The following IGF1R variants were observed in gnomAD, a reference collection of about 807,000 sequenced individuals.
IGF1R encodes the protein insulin like growth factor 1 receptor, also known as insulin-like growth factor 1 receptor.
IGF1R carries 44 observed loss-of-function variants against 144.6 expected under a neutral mutation model. That is an observed-to-expected ratio of 0.30 (90% confidence interval 0.24 to 0.39). The LOEUF is 0.39. IGF1R is among the 10% of genes least tolerant of loss of function. IGF1R has a pLI of 1.00. For missense variants in IGF1R, 1,355 were observed against 1,833.7 expected (o/e 0.74, Z 4.77); for synonymous variants, 795 against 722.8 (o/e 1.10, Z -1.60).
Position 98,957,376 on chromosome 15 carries a change from C to A in IGF1R, c.4038C>A (p.Tyr1346Ter), listed in dbSNP as rs17847203. ...LRASFDERQP[Y>*]AHMNGGRKNE... ...CCAGCTTCGACGAGAGACAGCCTTA[C>A]GCCCACATGAACGGGGGCCGCAAGA... Residue 1346 changes from tyrosine (Y) to a stop codon, truncating the protein, a stop_gained, in exon 21 of 21, where the codon TAC becomes TAA. Transcript: ENST00000650285. LOFTEE classifies it high-confidence loss of function. 2.5e-6 allele frequency: 4 copies of A among 1,613,334 alleles called. No individual in the cohort carries two copies. The highest frequency in any genetic ancestry group is 8.5e-7 in the Non-Finnish European group (1 of 1,179,972).
At chr15:98,853,465 T>C (rs2684777) in intron 2 of IGF1R, among the ~76,000 whole-genome samples, 33,172 of 152,132 alleles carry the variant, frequency 0.22, 4,345 homozygotes, top group East Asian at 0.45. Context: ...AATGGCAAAA[T>C]ACAGCATGTG....
At chr15:98,693,404 A>G (rs950529949) in intron 1 of IGF1R, among the ~76,000 whole-genome samples, 13 of 152,084 alleles carry the variant, frequency 8.5e-5, no homozygotes, top group African/African-American at 3.1e-4. Context: ...GGTCCCTGGG[A>G]AGACTGGTCC....
intron 2 of IGF1R, among the ~76,000 whole-genome samples, chr15:98,879,943 G>A (rs1357413539): frequency 6.6e-6 from 1 of 152,164 alleles, no homozygotes; most frequent in Non-Finnish European, 1.5e-5. Context: ...CTATAGCGAC[G>A]AAAAGTGTAA....
At chr15:98,862,110 G>T (rs2012190715) in intron 2 of IGF1R, among the ~76,000 whole-genome samples, 1 of 152,230 alleles carries the variant, frequency 6.6e-6, no homozygotes, top group African/African-American at 2.4e-5. Context: ...TAGGGCTTAT[G>T]ATGCTGGGAA....
intron 2 of IGF1R, among the ~76,000 whole-genome samples, chr15:98,821,322 T>C (rs1248291145): frequency 6.6e-6 from 1 of 150,736 alleles, no homozygotes; most frequent in Non-Finnish European, 1.5e-5. Flanking sequence ...CATCACTCTC[T>C]CTAGCCCTGC....
chr15:98,900,853 G>C (rs187733551), intron 5 of IGF1R: 5 of 151,690 alleles, frequency 3.3e-5, no homozygotes, highest in Admixed American at 6.6e-5. Context: ...CTGGAATCTC[G>C]GGTGTCTGTG....
At chr15:98,901,783 G>C (rs2014495433) in intron 5 of IGF1R, among the ~76,000 whole-genome samples, 1 of 152,206 alleles carries the variant, frequency 6.6e-6, no homozygotes, top group Non-Finnish European at 1.5e-5. Context: ...GGCCTTGAAG[G>C]CTTTCGGGAA....
intron 2 of IGF1R, among the ~76,000 whole-genome samples, chr15:98,767,992 G>A (rs2055477447): frequency 6.6e-6 from 1 of 152,208 alleles, no homozygotes; most frequent in African/African-American, 2.4e-5. Flanking sequence ...GACCATAGCT[G>A]AGTGGTGTGT....
chr15:98,934,071 C>T (rs903034570), intron 15 of IGF1R, among the ~76,000 whole-genome samples: 6 of 151,828 alleles, frequency 4.0e-5, no homozygotes, highest in Admixed American at 3.3e-4. Context: ...TCCAAAATAT[C>T]CATTTTAACA....
chr15:98,696,929 G>T (rs1006685768), intron 1 of IGF1R, among the ~76,000 whole-genome samples: 6 of 152,168 alleles, frequency 3.9e-5, no homozygotes, highest in Non-Finnish European at 7.4e-5. Context: ...AGTAGAAATC[G>T]TAGGATGCCT....
chr15:98,847,736 C>G (rs1484591398), intron 2 of IGF1R, among the ~76,000 whole-genome samples: 1 of 152,146 alleles, frequency 6.6e-6, no homozygotes, highest in East Asian at 1.9e-4. Context: ...TGTTTATTCC[C>G]CCCTTTACTT....
intron 2 of IGF1R, among the ~76,000 whole-genome samples, chr15:98,750,952 C>G (rs2054995454): frequency 6.6e-6 from 1 of 151,342 alleles, no homozygotes; most frequent in African/African-American, 2.5e-5. Context: ...CCATGGCCAG[C>G]TAATTTTTGT....
rs9672611 is a variant in IGF1R, at chr15:98,955,307, T to C, written c.3723-1754T>C. Among the ~76,000 whole-genome samples, 965 of 152,350 alleles carry C rather than the reference T, an allele frequency of 6.3e-3. 4 individuals carry two copies. Among genetic ancestry groups the C allele is most frequent in the Non-Finnish European group, 0.01 (692 of 68,030 alleles). ...TGGAACTCTCCAAATCTAAGAAGCA[T>C]ACTGTGGGGGCCTTCATATTTTGTC... On this transcript the variant is annotated intron_variant, in intron 20 of 20. Transcript: ENST00000650285.
In IGF1R at chr15:98,959,435, A is replaced by G. The variant is rs925582289; in HGVS notation, c.*1993A>G. Reference sequence around the variant, plus strand: ...GAACATCCCAAGGGAACTCCTTCGCACTGGCGTTGAGTGGGACCCCGGGAT... The same window carrying G: ...GAACATCCCAAGGGAACTCCTTCGCGCTGGCGTTGAGTGGGACCCCGGGAT... On this transcript the variant is annotated 3_prime_UTR_variant, in exon 21 of 21. Coordinates refer to ENST00000650285, the MANE Select transcript of IGF1R (RefSeq NM_000875.5). 1.3e-5 allele frequency: 3 copies of G among 233,744 alleles called. No individual in the cohort carries two copies. The highest frequency in any genetic ancestry group is 4.4e-5 in the African/African-American group (2 of 45,320). The allele number at this position is 233,744 out of a possible 1,614,324, so 14.5% of individuals were successfully genotyped here. A position where few individuals can be genotyped will look rare whatever the true frequency, so the allele number is the denominator to read the frequency against.
chr15:98,950,982 G>A (rs903954197), intron 20 of IGF1R, among the ~76,000 whole-genome samples: 5 of 152,256 alleles, frequency 3.3e-5, no homozygotes, highest in African/African-American at 1.2e-4. Flanking sequence ...GGCATGGGGT[G>A]GGGAAGACTG....
chr15:98,741,055 T>A (rs377090071), intron 2 of IGF1R, among the ~76,000 whole-genome samples: 33 of 130,444 alleles, frequency 2.5e-4, no homozygotes, highest in Non-Finnish European at 4.5e-4. Flanking sequence ...TTTATTTTTT[T>A]AAAAAGCTTT....
At chr15:98,709,062 C>G (rs902370345) in intron 2 of IGF1R, among the ~76,000 whole-genome samples, 1 of 152,162 alleles carries the variant, frequency 6.6e-6, no homozygotes, top group African/African-American at 2.4e-5. Flanking sequence ...TGTATATTGG[C>G]TAGGAAGCTT....
At chr15:98,776,279 G>T (rs1311157762) in intron 2 of IGF1R, among the ~76,000 whole-genome samples, 2 of 151,774 alleles carry the variant, frequency 1.3e-5, no homozygotes, top group African/African-American at 4.8e-5. Flanking sequence ...CCGCCTCCCG[G>T]GTTCCAGCAA....
chr15:98,719,874 C>G (rs1311841265), intron 2 of IGF1R, among the ~76,000 whole-genome samples: 5 of 152,094 alleles, frequency 3.3e-5, no homozygotes, highest in Non-Finnish European at 7.4e-5. Flanking sequence ...GTAGTGTTAT[C>G]CTAATTCTTG....
Sources: allele counts gnomAD v4.1 joint callset (sites outside exome capture counted in the v4.1 genomes callset), GRCh38; gene constraint gnomAD v4.1.1; transcripts MANE v1.5; gene names NCBI Gene and HGNC (gene_info 2026-07-23, HGNC 2026-07-21).